Variants in NKAIN3 observed in about 807,000 individuals in gnomAD.
NKAIN3 encodes the protein sodium/potassium-transporting ATPase subunit beta-1-interacting protein 3.
In NKAIN3, 25 loss-of-function variants were observed where a neutral mutation model predicts 30.2. That is an observed-to-expected ratio of 0.83 (90% CI 0.60 to 1.16). The LOEUF is 1.16. Among genes scored for constraint, NKAIN3 ranks in the 50% most tolerant of loss-of-function variants. The pLI, the probability that NKAIN3 is intolerant of heterozygous loss-of-function variation, is 0.00. For missense variants in NKAIN3, 225 were observed against 254.1 expected (o/e 0.89, Z 0.78); for synonymous variants, 91 against 89.6 (o/e 1.02, Z -0.09).
At chr8:62,313,155 T>C (rs1299115978) in intron 1 of NKAIN3, among the ~76,000 whole-genome samples, 4 of 152,150 alleles carry the variant, frequency 2.6e-5, no homozygotes, top group African/African-American at 9.7e-5. Flanking sequence ...CTTCTTTTTT[T>C]CTCTGTCTCT....
chr8:62,426,489 G>C (rs879567083), intron 1 of NKAIN3, among the ~76,000 whole-genome samples: 5 of 151,946 alleles, frequency 3.3e-5, no homozygotes, highest in Non-Finnish European at 5.9e-5. Flanking sequence ...TATTTCTATG[G>C]TGGTGGACAC....
intron 1 of NKAIN3, among the ~76,000 whole-genome samples, chr8:62,429,095 C>T (rs1015232003): frequency 6.6e-6 from 1 of 151,750 alleles, no homozygotes; most frequent in African/African-American, 2.4e-5. Flanking sequence ...TGCCTTTTCC[C>T]CATTGTATGT....
chr8:62,324,830 T>C (rs943203364), intron 1 of NKAIN3, among the ~76,000 whole-genome samples: 1 of 152,130 alleles, frequency 6.6e-6, no homozygotes, highest in Non-Finnish European at 1.5e-5. Context: ...TTGCTAATGG[T>C]TCAAAATAGC....
At chr8:62,587,918 T>C (rs920622340) in intron 2 of NKAIN3, among the ~76,000 whole-genome samples, 4 of 151,998 alleles carry the variant, frequency 2.6e-5, no homozygotes, top group Non-Finnish European at 4.4e-5. Context: ...GATCTTTAAA[T>C]AGATGTGTTT....
At chr8:62,529,773 G>T (rs557625853) in intron 1 of NKAIN3, among the ~76,000 whole-genome samples, 35 of 152,262 alleles carry the variant, frequency 2.3e-4, no homozygotes, top group African/African-American at 7.2e-4. Context: ...AAGTGGATGT[G>T]CTTTCTGGTA....
At chr8:62,548,395 C>A (rs975083857) in intron 1 of NKAIN3, among the ~76,000 whole-genome samples, 1 of 152,166 alleles carries the variant, frequency 6.6e-6, no homozygotes, top group Non-Finnish European at 1.5e-5. Flanking sequence ...GCTATTACTT[C>A]TCTGTCAGGA....
intron 1 of NKAIN3, among the ~76,000 whole-genome samples, chr8:62,368,721 T>G (rs902083592): frequency 6.6e-6 from 1 of 152,174 alleles, no homozygotes; most frequent in Non-Finnish European, 1.5e-5. Flanking sequence ...TTGTCCAAAC[T>G]CAGACTGGTA....
chr8:62,378,443 G>A (rs558485804), intron 1 of NKAIN3, among the ~76,000 whole-genome samples: 1 of 152,314 alleles, frequency 6.6e-6, no homozygotes, highest in East Asian at 1.9e-4. Context: ...AGGGGAAAAT[G>A]TCTCCAGAGC....
At chr8:62,438,535 A>T (rs563595452) in intron 1 of NKAIN3, among the ~76,000 whole-genome samples, 10 of 152,206 alleles carry the variant, frequency 6.6e-5, no homozygotes, top group African/African-American at 2.4e-4. Context: ...CGTAAGGGAC[A>T]TCAGTAGGGC....
chr8:62,702,163 T>C (rs1164989080), intron 3 of NKAIN3, among the ~76,000 whole-genome samples: 1 of 152,230 alleles, frequency 6.6e-6, no homozygotes, highest in Middle Eastern at 3.2e-3. Flanking sequence ...GGTAAATATA[T>C]AGTATCTAAT....
chr8:62,876,791 C>T (rs1185693558), intron 4 of NKAIN3, among the ~76,000 whole-genome samples: 1 of 151,410 alleles, frequency 6.6e-6, no homozygotes, highest in African/African-American at 2.4e-5. Flanking sequence ...GAGAGGGTAA[C>T]AATACACCAG....
At chr8:62,831,736 C>T (rs1819203709) in intron 4 of NKAIN3, among the ~76,000 whole-genome samples, 1 of 151,896 alleles carries the variant, frequency 6.6e-6, no homozygotes, top group African/African-American at 2.4e-5. Context: ...TGTAAAGTGA[C>T]CAAATCTATG....
At chr8:62,441,853 A>G (rs1226806935) in intron 1 of NKAIN3, among the ~76,000 whole-genome samples, 1 of 151,982 alleles carries the variant, frequency 6.6e-6, no homozygotes, top group Admixed American at 6.6e-5. Context: ...AAATCACCCC[A>G]TTGTGTTGTG....
At chr8:62,421,112 G>A (rs1181802713) in intron 1 of NKAIN3, among the ~76,000 whole-genome samples, 1 of 152,100 alleles carries the variant, frequency 6.6e-6, no homozygotes, top group African/African-American at 2.4e-5. Context: ...GCAGCCAGGT[G>A]CCCAGAAGGT....
chr8:62,767,171 G>A (rs566377146), intron 4 of NKAIN3, among the ~76,000 whole-genome samples: 1 of 152,236 alleles, frequency 6.6e-6, no homozygotes, highest in East Asian at 1.9e-4. Flanking sequence ...GGATGGAGCT[G>A]ACCCCACTAT....
At chr8:62,424,956 TA>T (rs1217230330) in intron 1 of NKAIN3, among the ~76,000 whole-genome samples, 2 of 151,744 alleles carry the variant, frequency 1.3e-5, no homozygotes, top group Admixed American at 6.6e-5. Context: ...TATTCAACCT[TA>T]AAAAAGAAGC....
At position 62,974,734 on chromosome 8, in the gene NKAIN3, T is replaced by G. The variant is rs57069084; in HGVS notation, c.*9327T>G. 0.11 allele frequency among the ~76,000 whole-genome samples: 16,162 copies of G among 152,224 alleles called. 898 individuals carry two copies. Among genetic ancestry groups the G allele is most frequent in the South Asian group, 0.17 (821 of 4,824 alleles). On this transcript the variant is annotated 3_prime_UTR_variant, in exon 7 of 7. Coordinates refer to ENST00000623646, the MANE Select transcript of NKAIN3 (RefSeq NM_001304533.3). ...GTGGTGAGACAAGCCACCCTTGTCT[T>G]GCGCCAGTTTTCAAAGGGAGTGCTT...
chr8:62,458,014 C>T (rs778006035), intron 1 of NKAIN3, among the ~76,000 whole-genome samples: 2 of 152,106 alleles, frequency 1.3e-5, no homozygotes, highest in African/African-American at 2.4e-5. Flanking sequence ...AGGCCCTCGA[C>T]GGGACTGGTT....
intron 1 of NKAIN3, among the ~76,000 whole-genome samples, chr8:62,249,681 A>T (rs963978049): frequency 1.3e-5 from 2 of 152,162 alleles, no homozygotes; most frequent in Admixed American, 6.5e-5. Context: ...CAGGAAGGAG[A>T]TCAGGCTGTG....
Sources: gnomAD v4.1 joint callset for allele counts (sites outside exome capture counted in the v4.1 genomes callset) on GRCh38, gnomAD v4.1.1 for gene constraint, MANE v1.5 for transcripts, NCBI Gene and HGNC (gene_info 2026-07-23, HGNC 2026-07-21) for gene names.